Variants in PINX1 observed in about 807,000 individuals in gnomAD.
PINX1 encodes the protein PIN2 (TERF1) interacting telomerase inhibitor 1.
A neutral mutation model predicts 25.4 loss-of-function variants in PINX1; 34 were observed. That is an observed-to-expected ratio of 1.34 (90% CI 1.02 to 1.78). PINX1 has a LOEUF of 1.78. Among genes scored for constraint, PINX1 ranks in the 40% most tolerant of loss-of-function variants. PINX1 has a pLI of 0.00. For synonymous variants in PINX1, 197 were observed against 147.7 expected (o/e 1.33, Z -2.42); for missense variants, 592 against 404.9 (o/e 1.46, Z -3.97).
intron 6 of PINX1, among the ~76,000 whole-genome samples, chr8:10,816,199 T>A (rs976186318): frequency 1.3e-5 from 2 of 152,218 alleles, no homozygotes. Context: ...CAGAGCTGTA[T>A]GAGCAGATGG....
At chr8:10,775,439 T>TTTTTTTTTTTTTTTTTC (rs1801363097) in intron 6 of PINX1, among the ~76,000 whole-genome samples, 1 of 89,280 alleles carries the variant, frequency 1.1e-5, no homozygotes, top group Non-Finnish European at 2.5e-5. Context: ...TTTTTTTTTT[T>TTTTTTTTTTTTTTTTTC]TGCCTTTAAA....
chr8:10,815,057 C>T (rs1212461862), intron 6 of PINX1, among the ~76,000 whole-genome samples: 1 of 152,102 alleles, frequency 6.6e-6, no homozygotes, highest in Non-Finnish European at 1.5e-5. Flanking sequence ...CTCCCATCTC[C>T]AGCCTCCTGA....
chr8:10,808,571 G>A (rs1448695899), intron 6 of PINX1, among the ~76,000 whole-genome samples: 1 of 152,180 alleles, frequency 6.6e-6, no homozygotes, highest in Non-Finnish European at 1.5e-5. Context: ...TATTATCCCT[G>A]TTTTAAGATA....
chr8:10,777,637 C>G lies in PINX1; in HGVS notation c.472-11721G>C, dbSNP rs184821294. ...GAAAGAGAAGAGGTTCTTCGTGTAT[C>G]TTAAAATGGTTTGGTCCCCCCAAAA... On this transcript the variant is annotated intron_variant, in intron 6 of 6. Coordinates refer to ENST00000314787, the MANE Select transcript of PINX1 (RefSeq NM_017884.6). Among the ~76,000 whole-genome samples, 20 of 152,246 alleles carry G rather than the reference C, an allele frequency of 1.3e-4. No homozygotes were observed. The East Asian group carries it at 3.9e-3, about 29-fold the overall frequency.
chr8:10,806,961 A>G (rs1325997187), intron 6 of PINX1, among the ~76,000 whole-genome samples: 3 of 152,202 alleles, frequency 2.0e-5, no homozygotes, highest in Non-Finnish European at 4.4e-5. Flanking sequence ...TCCCCATCTG[A>G]GAAGGCTGCC....
intron 6 of PINX1, among the ~76,000 whole-genome samples, chr8:10,794,474 G>GC (rs1438179293): frequency 6.6e-6 from 1 of 150,384 alleles, no homozygotes; most frequent in Non-Finnish European, 1.5e-5. Flanking sequence ...CGCTCTTCTT[G>GC]CCCAGGCTGG....
At chr8:10,826,852 T>C (rs1798065977) in intron 4 of PINX1, among the ~76,000 whole-genome samples, 2 of 152,188 alleles carry the variant, frequency 1.3e-5, no homozygotes, top group Non-Finnish European at 2.9e-5. Flanking sequence ...GAAGGTACAG[T>C]GGGTACAAAT....
intron 6 of PINX1, among the ~76,000 whole-genome samples, chr8:10,772,876 C>G (rs938895835): frequency 1.3e-5 from 2 of 151,760 alleles, no homozygotes. Flanking sequence ...CCAGAGGGTT[C>G]TCTCTAGAAC....
chr8:10,794,301 A>T (rs541088094), intron 6 of PINX1, among the ~76,000 whole-genome samples: 137 of 152,352 alleles, frequency 9.0e-4, no homozygotes, highest in African/African-American at 3.3e-3. Flanking sequence ...CAGATCTTAA[A>T]ATTTCAAATA....
rs80129541 is a variant in PINX1 at position 10,785,267 on chromosome 8, A to T, written c.472-19351T>A. Among the ~76,000 whole-genome samples the T allele has an allele frequency of 2.3e-3, 346 of 152,354 alleles. 2 individuals are homozygous for T. The highest frequency in any genetic ancestry group is 7.9e-3 in the African/African-American group (328 of 41,582). ...AGGAAATCCTACTAACTTCAAGCTA[A>T]GTTTAAGCTGCTTCTTGCATTATTC... On this transcript the variant is annotated intron_variant, in intron 6 of 6. Transcript: ENST00000314787.
intron 1 of PINX1, 91 bp downstream of exon 1, chr8:10,839,647 A>C (rs1586221059): frequency 7.4e-7 from 1 of 1,357,330 alleles, no homozygotes; most frequent in Non-Finnish European, 1.0e-6. Context: ...CGCGCCGGCA[A>C]CCCGAGCTCC....
intron 6 of PINX1, among the ~76,000 whole-genome samples, chr8:10,785,048 C>T (rs760672846): frequency 1.3e-5 from 2 of 152,098 alleles, no homozygotes; most frequent in South Asian, 2.1e-4. Flanking sequence ...ACATAAAGAG[C>T]GTATCATTTA....
rs1474642577 is a variant in PINX1, at chr8:10,787,193, CAT to C, written c.472-21279_472-21278del. ...AAATGTATTTACATATATATACACA[CAT>C]ACACATATTTTATGCACACACACAC... On this transcript the variant is annotated intron_variant, in intron 6 of 6. Coordinates refer to ENST00000314787, the MANE Select transcript of PINX1 (RefSeq NM_017884.6). Among the ~76,000 whole-genome samples, 4 of 151,756 alleles carry C rather than the reference CAT, an allele frequency of 2.6e-5. No homozygotes were observed. In the South Asian group the frequency reaches 8.3e-4, roughly 32 times the overall value.
chr8:10,791,181 G>A lies in PINX1; in HGVS notation c.472-25265C>T, dbSNP rs189312892. 2.0e-5 allele frequency among the ~76,000 whole-genome samples: 3 copies of A among 152,262 alleles called. No homozygotes were observed. The East Asian group carries it at 5.8e-4, about 29-fold the overall frequency. ...CCTGCCTCAGCCTTCCAAAGTGCTG[G>A]GATGACAGGCATGAGCCATCATGCC... On this transcript the variant is annotated intron_variant, in intron 6 of 6. Coordinates refer to ENST00000314787, the MANE Select transcript of PINX1 (RefSeq NM_017884.6).
At chr8:10,789,622 G>C (rs771971391) in intron 6 of PINX1, among the ~76,000 whole-genome samples, 2 of 152,222 alleles carry the variant, frequency 1.3e-5, no homozygotes, top group African/African-American at 4.8e-5. Flanking sequence ...TCCTCAAATA[G>C]CACAGGGACC....
intron 6 of PINX1, among the ~76,000 whole-genome samples, chr8:10,777,105 G>A (rs1318332055): frequency 6.6e-6 from 1 of 152,206 alleles, no homozygotes; most frequent in Non-Finnish European, 1.5e-5. Flanking sequence ...GGCCGAACGT[G>A]TCCTGGTGAA....
At chr8:10,835,431 C>A (rs4840518) in intron 1 of PINX1, among the ~76,000 whole-genome samples, 18,226 of 152,216 alleles carry the variant, frequency 0.12, 1,775 homozygotes, top group African/African-American at 0.26. Context: ...TCTTAATTCA[C>A]AACATACAAT....
At chr8:10,816,062 C>T (rs978281031) in intron 6 of PINX1, among the ~76,000 whole-genome samples, 4 of 152,028 alleles carry the variant, frequency 2.6e-5, no homozygotes, top group Admixed American at 6.6e-5. Flanking sequence ...GGGTCACGGG[C>T]GGTGTTGGAG....
intron 6 of PINX1, among the ~76,000 whole-genome samples, chr8:10,785,563 T>C (rs1293246801): frequency 4.6e-5 from 7 of 152,216 alleles, no homozygotes. Flanking sequence ...TTGTACTAAT[T>C]ACAATTAGTT....
Sources: gnomAD v4.1 joint callset for allele counts (sites outside exome capture counted in the v4.1 genomes callset) on GRCh38, gnomAD v4.1.1 for gene constraint, MANE v1.5 for transcripts, NCBI Gene and HGNC (gene_info 2026-07-23, HGNC 2026-07-21) for gene names.